ESCO2: variants seen among roughly 807,000 people sequenced by gnomAD.
ESCO2 encodes establishment of sister chromatid cohesion N-acetyltransferase 2.
A neutral mutation model predicts 61.7 loss-of-function variants in ESCO2; 51 were observed. That is an observed-to-expected ratio of 0.83 (90% CI 0.66 to 1.04). The LOEUF (loss-of-function observed/expected upper bound fraction) is 1.04, where lower values mean the gene tolerates loss of function less well. Among genes scored for constraint, ESCO2 ranks in the 50% least tolerant of loss-of-function variants. The pLI, the probability that ESCO2 is intolerant of heterozygous loss-of-function variation, is 0.00. For missense variants in ESCO2, 692 were observed against 686.2 expected, an observed-to-expected ratio of 1.01 and a Z score of -0.09; for synonymous variants, 230 against 238.2, an observed-to-expected ratio of 0.97 and a Z score of 0.32.
At chr8:27,778,159 CAG>C (rs1200193274) in intron 3 of ESCO2, 18 of 152,282 alleles carry the variant, frequency 1.2e-4, no homozygotes, top group Admixed American at 3.3e-4. Context: ...TGGCAATAAT[CAG>C]AGCTGAATAT....
chr8:27,776,458 T>G lies in ESCO2; in HGVS notation c.150T>G (p.Ser50=), dbSNP rs772392422. 4 of 1,610,732 alleles carry G rather than the reference T, an allele frequency of 2.5e-6. No individual in the cohort carries two copies. The highest frequency in any genetic ancestry group is 1.1e-5 in the South Asian group (1 of 89,878). Residue 50 remains serine (S), a synonymous_variant, in exon 3 of 11, where the codon TCT becomes TCG. Coordinates refer to ENST00000305188, the MANE Select transcript of ESCO2 (RefSeq NM_001017420.3). ...SDKNEENLHC[S]QQEHFVLSAL... ...AAAATGAAGAAAACCTGCATTGCTC[T>G]CAACAAGAGCATTTTGTTTTAAGTG...
chr8:27,799,823 A>G, intron 10 of ESCO2, 107 bp downstream of exon 10: 4 of 1,296,668 alleles, frequency 3.1e-6, no homozygotes, highest in Non-Finnish European at 4.4e-6. Context: ...ACTTCAGTAT[A>G]AATACTATTA....
chr8:27,808,256 A>T (rs767874778), downstream of ESCO2: 1 of 1,225,548 alleles, frequency 8.2e-7, no homozygotes. Context: ...TTTCTCAAGT[A>T]GCTGCTGATT....
Position 27,803,950 on chromosome 8 carries a change from A to C in ESCO2, c.*512A>C. 1.0e-6 allele frequency: 1 copy of C among 988,626 alleles called. No individual in the cohort carries two copies. The highest frequency in any genetic ancestry group is 1.2e-6 in the Non-Finnish European group (1 of 832,574). The allele number at this position is 988,626 out of a possible 1,614,324, so 61.2% of individuals were successfully genotyped here. A position where few individuals can be genotyped will look rare whatever the true frequency, so the allele number is the denominator to read the frequency against. ...AGGCATGGGTCTCACTGTGTTGCCCAGGCTGGTCTGAAACTTTTGGGCTCA... is the reference window on the plus strand; with the variant it reads ...AGGCATGGGTCTCACTGTGTTGCCCCGGCTGGTCTGAAACTTTTGGGCTCA... On this transcript the variant is annotated 3_prime_UTR_variant, in exon 11 of 11. Coordinates refer to ENST00000305188, the MANE Select transcript of ESCO2 (RefSeq NM_001017420.3).
chr8:27,778,336 G>A (rs964611712), intron 3 of ESCO2: 1 of 151,684 alleles, frequency 6.6e-6, no homozygotes, highest in African/African-American at 2.4e-5. Flanking sequence ...TTTTTTTCCT[G>A]TTTATCGAGT....
chr8:27,782,699 A>G (rs547079026), intron 4 of ESCO2, among the ~76,000 whole-genome samples: 3 of 149,970 alleles, frequency 2.0e-5, no homozygotes, highest in Admixed American at 6.7e-5. Context: ...AATTCCATAT[A>G]TAGTTAAATA....
chr8:27,818,939 C>G, the ESCO2 span, among the ~76,000 whole-genome samples: 26 of 152,042 alleles, frequency 1.7e-4, no homozygotes, highest in Non-Finnish European at 3.2e-4. Context: ...TCTAAAATGT[C>G]CAGATAACAT....
chr8:27,796,777 T>A (rs182619104), intron 9 of ESCO2, among the ~76,000 whole-genome samples: 87 of 152,310 alleles, frequency 5.7e-4, no homozygotes, highest in Middle Eastern at 3.4e-3. Flanking sequence ...TGCTATTGGA[T>A]GGAATACTAT....
intron 9 of ESCO2, among the ~76,000 whole-genome samples, chr8:27,797,117 A>G (rs1009336563): frequency 1.4e-5 from 2 of 147,210 alleles, no homozygotes; most frequent in African/African-American, 5.2e-5. Flanking sequence ...CTCTTAAGAA[A>G]GAAAAAAAAA....
At chr8:27,793,265 A>G (rs1805217882) in intron 9 of ESCO2, among the ~76,000 whole-genome samples, 1 of 152,134 alleles carries the variant, frequency 6.6e-6, no homozygotes, top group African/African-American at 2.4e-5. Context: ...TTTTGCCAGT[A>G]TAAGTGATCA....
downstream of ESCO2, among the ~76,000 whole-genome samples, chr8:27,807,549 T>C (rs1220930037): frequency 6.6e-6 from 1 of 152,220 alleles, no homozygotes; most frequent in Non-Finnish European, 1.5e-5. Flanking sequence ...TTGAATAAGA[T>C]TGGGTATCTG....
At chr8:27,800,648 T>C (rs1437826248) in intron 10 of ESCO2, among the ~76,000 whole-genome samples, 1 of 152,138 alleles carries the variant, frequency 6.6e-6, no homozygotes, top group Non-Finnish European at 1.5e-5. Context: ...ACCTTGCACA[T>C]GAAGGTTCAT....
intron 7 of ESCO2, among the ~76,000 whole-genome samples, chr8:27,789,282 G>A (rs1001655984): frequency 5.3e-5 from 8 of 152,106 alleles, no homozygotes; most frequent in African/African-American, 1.9e-4. Context: ...TGAGAGGAGA[G>A]GTCCCACCCA....
chr8:27,792,955 A>G (rs1331960522), intron 9 of ESCO2, 144 bp downstream of exon 9: 7 of 976,290 alleles, frequency 7.2e-6, no homozygotes. Flanking sequence ...AATTGAAGTT[A>G]TTTATTTCCA....
rs56062620 is a variant in ESCO2 at position 27,803,549 on chromosome 8, T to TACAC, written c.*126_*129dup. On this transcript the variant is annotated 3_prime_UTR_variant, in exon 11 of 11. Transcript: ENST00000305188. ...TAAAAAATACCGAGACTCACACTCA[T>TACAC]ACACACACACACACACACGCACACA... 0.29 allele frequency: 380,823 copies of TACAC among 1,299,774 alleles called. 20,564 individuals are homozygous for TACAC. Among genetic ancestry groups the TACAC allele is most frequent in the Middle Eastern group, 0.33 (1,225 of 3,658 alleles). 80.5% of individuals were successfully genotyped at this position (1,299,774 alleles called of 1,614,324 possible).
At chr8:27,818,492 G>A in the ESCO2 span, among the ~76,000 whole-genome samples, 1 of 152,310 alleles carries the variant, frequency 6.6e-6, no homozygotes, top group South Asian at 2.1e-4. Flanking sequence ...AGTGTGATGA[G>A]TGTTGATAGC....
intron 10 of ESCO2, among the ~76,000 whole-genome samples, chr8:27,801,796 T>C (rs1049792852): frequency 2.0e-5 from 3 of 152,106 alleles, no homozygotes; most frequent in Non-Finnish European, 2.9e-5. Context: ...TTGTTACATA[T>C]ATTATGCCCC....
chr8:27,805,963 A>C (rs1175217285), downstream of ESCO2, among the ~76,000 whole-genome samples: 2 of 152,002 alleles, frequency 1.3e-5, no homozygotes, highest in Non-Finnish European at 2.9e-5. Flanking sequence ...TCTTCCACAA[A>C]AGGACCTGGG....
intron 4 of ESCO2, 44 bp from the exon 5 acceptor site, chr8:27,783,956 A>AT (rs1804980050): frequency 2.7e-6 from 4 of 1,500,782 alleles, no homozygotes; most frequent in Non-Finnish European, 3.7e-6. Context: ...TAAAGCTTTG[A>AT]TTTTATTTGG....
Sources: allele counts gnomAD v4.1 joint callset (sites outside exome capture counted in the v4.1 genomes callset), GRCh38; gene constraint gnomAD v4.1.1; transcripts MANE v1.5; gene names NCBI Gene and HGNC (gene_info 2026-07-23, HGNC 2026-07-21).